The following PTPRM variants were observed in gnomAD, a reference collection of about 807,000 sequenced individuals.
The protein encoded by PTPRM is protein tyrosine phosphatase receptor type M, also known as receptor-type tyrosine-protein phosphatase mu.
A neutral mutation model predicts 186.7 loss-of-function variants in PTPRM; 47 were observed. The ratio of observed to expected loss-of-function variants is 0.25; its 90% CI spans 0.20 to 0.32. PTPRM has a LOEUF of 0.32. PTPRM is among the 10% of genes least tolerant of loss of function. The pLI is 1.00. For missense variants in PTPRM, 1,494 were observed against 1,865.0 expected (o/e 0.80, Z 3.66); for synonymous variants, 668 against 674.9 (o/e 0.99, Z 0.16).
At chr18:7,932,044 T>C (rs1434546129) in intron 5 of PTPRM, among the ~76,000 whole-genome samples, 1 of 152,218 alleles carries the variant, frequency 6.6e-6, no homozygotes, top group Non-Finnish European at 1.5e-5. Flanking sequence ...TCATTTCTTG[T>C]AATCGTTGTA....
At chr18:7,901,025 T>C (rs1485556228) in intron 3 of PTPRM, among the ~76,000 whole-genome samples, 1 of 152,174 alleles carries the variant, frequency 6.6e-6, no homozygotes, top group Non-Finnish European at 1.5e-5. Flanking sequence ...CCAATGGTAC[T>C]GTTGGTATTC....
In PTPRM at chr18:7,922,620, C is replaced by T. The variant is rs554992846; in HGVS notation, c.548-3948C>T. On this transcript the variant is annotated intron_variant, in intron 4 of 32. Transcript: ENST00000580170. ...CAGAAATTTTTCATGTCTCTGGCTC[C>T]TGGAATAGTCTCATCCTCATATTTG... Among the ~76,000 whole-genome samples the T allele has an allele frequency of 3.8e-4, 58 of 152,210 alleles. 1 individual carries two copies. The East Asian group carries it at 6.6e-3, about 17-fold the overall frequency.
intron 20 of PTPRM, among the ~76,000 whole-genome samples, chr18:8,302,115 G>A (rs1425158041): frequency 1.3e-5 from 2 of 152,202 alleles, no homozygotes; most frequent in Non-Finnish European, 2.9e-5. Flanking sequence ...AGGGGGTGAT[G>A]TAAATGATTA....
chr18:8,285,567 G>A (rs1031728585), intron 19 of PTPRM, among the ~76,000 whole-genome samples: 5 of 152,220 alleles, frequency 3.3e-5, no homozygotes, highest in Non-Finnish European at 7.3e-5. Flanking sequence ...TGAGGCAAGC[G>A]TTCTCTCTCA....
chr18:7,772,349 C>CTCTTTCTTTCTTTCTTTCTTTCTTTCTT (rs71935994), intron 1 of PTPRM, among the ~76,000 whole-genome samples: 1 of 96,034 alleles, frequency 1.0e-5, no homozygotes, highest in African/African-American at 4.7e-5. Flanking sequence ...TTCTTTCTTT[C>CTCTTTCTTTCTTTCTTTCTTTCTTTCTT]TCTTTCTTTC....
intron 1 of PTPRM, among the ~76,000 whole-genome samples, chr18:7,627,386 A>G (rs1321616162): frequency 6.6e-6 from 1 of 152,162 alleles, no homozygotes; most frequent in Non-Finnish European, 1.5e-5. Flanking sequence ...CCTGAGGCAT[A>G]TGTCCTGAAA....
intron 1 of PTPRM, among the ~76,000 whole-genome samples, chr18:7,614,831 T>C (rs1213246206): frequency 6.6e-6 from 1 of 151,948 alleles, no homozygotes; most frequent in Admixed American, 6.6e-5. Context: ...CTTAAAGAGT[T>C]GTTTTTGACT....
chr18:7,765,859 A>G (rs2041992836), intron 1 of PTPRM, among the ~76,000 whole-genome samples: 1 of 152,234 alleles, frequency 6.6e-6, no homozygotes, highest in South Asian at 2.1e-4. Context: ...AAAACTCATC[A>G]AGGAGTATTA....
intron 10 of PTPRM, among the ~76,000 whole-genome samples, chr18:8,087,906 TTTGTC>T (rs2090513798): frequency 6.6e-6 from 1 of 152,104 alleles, no homozygotes; most frequent in Non-Finnish European, 1.5e-5. Flanking sequence ...CGTGTAATGA[TTTGTC>T]TTGTCCGTAA....
At chr18:7,613,167 C>T (rs966907078) in intron 1 of PTPRM, among the ~76,000 whole-genome samples, 1 of 152,090 alleles carries the variant, frequency 6.6e-6, no homozygotes, top group Non-Finnish European at 1.5e-5. Context: ...AACTTGGGTA[C>T]CTATGGTAAT....
At chr18:7,910,452 A>C (rs1289716702) in intron 4 of PTPRM, among the ~76,000 whole-genome samples, 2 of 152,250 alleles carry the variant, frequency 1.3e-5, no homozygotes, top group Non-Finnish European at 2.9e-5. Context: ...CAAGTGGCTC[A>C]AGATCCCCAT....
chr18:8,201,365 T>C (rs1434109397), intron 14 of PTPRM, among the ~76,000 whole-genome samples: 1 of 152,230 alleles, frequency 6.6e-6, no homozygotes, highest in Non-Finnish European at 1.5e-5. Context: ...TCTTCGGTTT[T>C]ACATATATAT....
intron 1 of PTPRM, among the ~76,000 whole-genome samples, chr18:7,753,195 T>C (rs1318384383): frequency 1.3e-5 from 2 of 152,134 alleles, no homozygotes; most frequent in African/African-American, 4.8e-5. Context: ...ATCTCTACAT[T>C]TGTGAAAGAA....
At chr18:7,874,710 C>T (rs2048147331) in intron 2 of PTPRM, among the ~76,000 whole-genome samples, 3 of 152,168 alleles carry the variant, frequency 2.0e-5, no homozygotes, top group South Asian at 2.1e-4. Context: ...TAACTTTCCA[C>T]CCAGCCAAGC....
chr18:8,175,675 A>G (rs2093470150), intron 14 of PTPRM, among the ~76,000 whole-genome samples: 1 of 152,192 alleles, frequency 6.6e-6, no homozygotes, highest in Non-Finnish European at 1.5e-5. Flanking sequence ...GTAGCTCGTT[A>G]TATTCTGCTT....
intron 2 of PTPRM, among the ~76,000 whole-genome samples, chr18:7,859,795 A>G (rs187453893): frequency 1.1e-3 from 163 of 152,230 alleles, no homozygotes; most frequent in Middle Eastern, 3.4e-3. Flanking sequence ...GTTTTTACAG[A>G]TACTCTGATC....
At chr18:7,815,536 A>T (rs1487926285) in intron 2 of PTPRM, 1 of 152,214 alleles carries the variant, frequency 6.6e-6, no homozygotes, top group Non-Finnish European at 1.5e-5. Context: ...TAAAGGCCTA[A>T]GCTGGGCATC....
At chr18:7,803,774 T>C (rs948012401) in intron 2 of PTPRM, among the ~76,000 whole-genome samples, 2 of 152,168 alleles carry the variant, frequency 1.3e-5, no homozygotes, top group East Asian at 3.9e-4. Context: ...TTTGAGTTAT[T>C]GAAAACTTCC....
At chr18:8,100,069 A>G (rs2145518527) in intron 11 of PTPRM, among the ~76,000 whole-genome samples, 1 of 152,274 alleles carries the variant, frequency 6.6e-6, no homozygotes, top group Admixed American at 6.5e-5. Context: ...AAGAGGAAGA[A>G]GGCATGTCAC....
Sources: allele counts gnomAD v4.1 joint callset (sites outside exome capture counted in the v4.1 genomes callset), GRCh38; gene constraint gnomAD v4.1.1; transcripts MANE v1.5; gene names NCBI Gene and HGNC (gene_info 2026-07-23, HGNC 2026-07-21).